RNF111: variants seen among roughly 807,000 people sequenced by gnomAD.
RNF111 encodes ring finger protein 111, also known as E3 ubiquitin-protein ligase Arkadia.
Under a neutral mutation model 95.1 loss-of-function variants are expected in RNF111, and 17 were observed. The ratio of observed to expected loss-of-function variants is 0.18; its 90% CI spans 0.12 to 0.27. The LOEUF is 0.27. RNF111 is among the 10% of genes least tolerant of loss of function. The probability of loss-of-function intolerance (pLI) is 1.00; values close to 1 mark genes in which losing one functional copy is unlikely to be tolerated. For missense variants in RNF111, 1,189 were observed against 1,210.4 expected (o/e 0.98, Z 0.26); for synonymous variants, 440 against 414.8 (o/e 1.06, Z -0.74).
At chr15:59,006,649 C>T (rs1341250726) in intron 1 of RNF111, among the ~76,000 whole-genome samples, 1 of 152,108 alleles carries the variant, frequency 6.6e-6, no homozygotes, top group Non-Finnish European at 1.5e-5. Context: ...TCCAACCGTC[C>T]ATCAACCAAA....
At chr15:59,002,889 T>G (rs994910485) in intron 1 of RNF111, among the ~76,000 whole-genome samples, 27 of 152,210 alleles carry the variant, frequency 1.8e-4, no homozygotes, top group African/African-American at 6.5e-4. Context: ...TTGTGTGGCT[T>G]GACTGACTAG....
chr15:59,079,029 A>G (rs867629604), intron 7 of RNF111, among the ~76,000 whole-genome samples: 29 of 152,380 alleles, frequency 1.9e-4, no homozygotes, highest in Middle Eastern at 3.4e-3. Flanking sequence ...AACAATATCA[A>G]GAACTTTTTT....
At chr15:59,087,468 A>G (rs1271606940) in intron 10 of RNF111, among the ~76,000 whole-genome samples, 1 of 152,228 alleles carries the variant, frequency 6.6e-6, no homozygotes, top group Non-Finnish European at 1.5e-5. Context: ...CTAATAGTCT[A>G]TTGTTGATCG....
At chr15:59,090,275 A>G (rs749538889) in intron 11 of RNF111, among the ~76,000 whole-genome samples, 3 of 152,022 alleles carry the variant, frequency 2.0e-5, no homozygotes, top group Non-Finnish European at 4.4e-5. Flanking sequence ...TGTCACCCAG[A>G]CTGGAGTGCA....
At chr15:59,025,986 G>T (rs948408388) in intron 1 of RNF111, among the ~76,000 whole-genome samples, 2 of 151,112 alleles carry the variant, frequency 1.3e-5, no homozygotes, top group African/African-American at 2.4e-5. Flanking sequence ...TGCCTTAGCC[G>T]CCCAAAGTGC....
intron 7 of RNF111, among the ~76,000 whole-genome samples, chr15:59,079,055 C>T (rs990070063): frequency 6.6e-6 from 1 of 151,976 alleles, no homozygotes; most frequent in African/African-American, 2.4e-5. Context: ...GTTGGGAACA[C>T]AAATAGAGGA....
chr15:59,083,024 C>G (rs1473099132), intron 8 of RNF111, among the ~76,000 whole-genome samples: 1 of 151,824 alleles, frequency 6.6e-6, no homozygotes, highest in African/African-American at 2.4e-5. Context: ...TGGCACACAC[C>G]TTTAGTCCCA....
rs538444882 is a variant in RNF111, at chr15:59,040,790, C to A, written c.880+9088C>A. On this transcript the variant is annotated intron_variant, in intron 2 of 13. Transcript: ENST00000348370. ...TGTATAGTGTCTTTTTGCCCTTGGC[C>A]AGTTTTCTGTGTGGTTATGCCACCA... is the stretch of plus-strand genomic sequence containing the variant. Among the ~76,000 whole-genome samples the A allele has an allele frequency of 1.3e-4, 20 of 152,230 alleles. No homozygotes were observed. The South Asian group carries it at 3.9e-3, about 30-fold the overall frequency.
chr15:59,007,266 A>T (rs1260562765), intron 1 of RNF111, among the ~76,000 whole-genome samples: 5 of 150,906 alleles, frequency 3.3e-5, no homozygotes, highest in African/African-American at 1.2e-4. Flanking sequence ...ACCAATGTTC[A>T]ATTTTTTTTT....
chr15:59,053,270 C>T (rs1369857695), intron 3 of RNF111, among the ~76,000 whole-genome samples: 1 of 152,150 alleles, frequency 6.6e-6, no homozygotes, highest in African/African-American at 2.4e-5. Context: ...GACTCTCCCT[C>T]CAAAATATCA....
Position 59,013,957 on chromosome 15 carries a change from T to A in RNF111, c.-19-16847T>A, listed in dbSNP as rs540779247. Among the ~76,000 whole-genome samples the A allele has an allele frequency of 3.3e-5, 5 of 152,058 alleles. No individual in the cohort carries two copies. The South Asian group carries it at 1.0e-3, about 32-fold the overall frequency. On this transcript the variant is annotated intron_variant, in intron 1 of 13. Transcript: ENST00000348370. ...GCACACGCCACCACGCCTGGCTAATTTTTGTATTTTTTAGTGGAGACAAAG... is the reference window on the plus strand; with the variant it reads ...GCACACGCCACCACGCCTGGCTAATATTTGTATTTTTTAGTGGAGACAAAG...
At chr15:58,995,746 G>C (rs1429645199) in intron 1 of RNF111, among the ~76,000 whole-genome samples, 1 of 146,520 alleles carries the variant, frequency 6.8e-6, no homozygotes, top group Non-Finnish European at 1.5e-5. Flanking sequence ...TTACAGGCAT[G>C]AGATGCCGTG....
intron 7 of RNF111, among the ~76,000 whole-genome samples, chr15:59,076,750 A>G (rs997661741): frequency 5.9e-5 from 9 of 152,246 alleles, no homozygotes; most frequent in African/African-American, 2.2e-4. Flanking sequence ...AATTCGTTAG[A>G]TATCACAAGA....
intron 6 of RNF111, among the ~76,000 whole-genome samples, chr15:59,069,075 A>AT (rs1470526496): frequency 1.4e-5 from 1 of 71,322 alleles, no homozygotes; most frequent in Non-Finnish European, 2.6e-5. Context: ...CTCCGTCTCA[A>AT]AAAAAAAAAA....
intron 1 of RNF111, among the ~76,000 whole-genome samples, chr15:59,009,438 A>G (rs1323209187): frequency 1.3e-5 from 2 of 151,746 alleles, no homozygotes; most frequent in East Asian, 3.9e-4. Flanking sequence ...TGATGACTTA[A>G]TATCAAAGTC....
At chr15:59,023,978 T>C (rs1301392134) in intron 1 of RNF111, among the ~76,000 whole-genome samples, 1 of 152,180 alleles carries the variant, frequency 6.6e-6, no homozygotes, top group Non-Finnish European at 1.5e-5. Context: ...AGAAGTAGCA[T>C]GTAGATCAGT....
At position 59,096,001 on chromosome 15, in the gene RNF111, A is replaced by G. The variant is rs1169462375; in HGVS notation, c.*1101A>G. On this transcript the variant is annotated 3_prime_UTR_variant, in exon 14 of 14. Coordinates refer to ENST00000348370, the MANE Select transcript of RNF111 (RefSeq NM_017610.8). ...TTTCTCTCTAAACTTGAAAACAGTAAATCTGCAGATACTGTGAGGCACAAA... is the reference window on the plus strand; with the variant it reads ...TTTCTCTCTAAACTTGAAAACAGTAGATCTGCAGATACTGTGAGGCACAAA... 5.0e-6 allele frequency: 2 copies of G among 398,478 alleles called. No individual in the cohort carries two copies. Among genetic ancestry groups the G allele is most frequent in the Non-Finnish European group, 8.9e-6 (2 of 225,822 alleles). 24.7% of individuals were successfully genotyped at this position (398,478 alleles called of 1,614,324 possible).
At position 59,012,673 on chromosome 15, in the gene RNF111, G is replaced by A. The variant is rs1328862303; in HGVS notation, c.-19-18131G>A. ...CTCAGTGTATACAGATGTATGTCTT[G>A]CTATCCCAGTGGAGCAACTGGATGG... On this transcript the variant is annotated intron_variant, in intron 1 of 13. Coordinates refer to ENST00000348370, the MANE Select transcript of RNF111 (RefSeq NM_017610.8). Among the ~76,000 whole-genome samples, 3 of 151,636 alleles carry A rather than the reference G, an allele frequency of 2.0e-5. No individual in the cohort carries two copies. In the South Asian group the frequency reaches 6.3e-4, roughly 32 times the overall value.
At chr15:59,014,893 CAT>C (rs1251247183) in intron 1 of RNF111, among the ~76,000 whole-genome samples, 8 of 151,994 alleles carry the variant, frequency 5.3e-5, no homozygotes, top group Admixed American at 4.6e-4. Flanking sequence ...ATAGCTGGGA[CAT>C]GTGTGCGCCA....
Sources: gnomAD v4.1 joint callset for allele counts (sites outside exome capture counted in the v4.1 genomes callset) on GRCh38, gnomAD v4.1.1 for gene constraint, MANE v1.5 for transcripts, NCBI Gene and HGNC (gene_info 2026-07-23, HGNC 2026-07-21) for gene names.